The following LAMC1 variants were observed in gnomAD, a reference collection of about 807,000 sequenced individuals.
LAMC1 encodes the protein laminin subunit gamma-1.
A neutral mutation model predicts 173.6 loss-of-function variants in LAMC1; 38 were observed. That is an observed-to-expected ratio of 0.22 (90% CI 0.17 to 0.29). The LOEUF (loss-of-function observed/expected upper bound fraction) is 0.29. Ranked by LOEUF, LAMC1 falls within the 10% of genes least tolerant of loss-of-function variation. The pLI, the probability that LAMC1 is intolerant of heterozygous loss-of-function variation, is 1.00. For synonymous variants in LAMC1, 746 were observed against 749.1 expected (o/e 1.00, Z 0.07); for missense variants, 1,824 against 2,051.8 (o/e 0.89, Z 2.14).
rs942732186 is a variant in LAMC1 at position 183,144,805 on chromosome 1, T to G, written c.*2015T>G. On this transcript the variant is annotated 3_prime_UTR_variant, in exon 28 of 28. Transcript: ENST00000258341. ...TGAGCACTTAGGGCATCAGGAACAG[T>G]GCTACTTACTGATGGGTAGACTGGG... 2 of 152,228 alleles carry G rather than the reference T, an allele frequency of 1.3e-5. No individual in the cohort carries two copies. Among genetic ancestry groups the G allele is most frequent in the Admixed American group, 6.5e-5 (1 of 15,280 alleles). The allele number at this position is 152,228 out of a possible 1,614,324, so 9.4% of individuals were successfully genotyped here. A position where few individuals can be genotyped will look rare whatever the true frequency, so the allele number is the denominator to read the frequency against.
intron 18 of LAMC1, among the ~76,000 whole-genome samples, chr1:183,130,090 C>T (rs567478560): frequency 2.0e-5 from 3 of 152,126 alleles, no homozygotes; most frequent in South Asian, 2.1e-4. Flanking sequence ...ATAAGACCAG[C>T]GATATAGTGG....
intron 1 of LAMC1, among the ~76,000 whole-genome samples, chr1:183,095,392 C>T (rs1377852652): frequency 1.3e-5 from 2 of 152,172 alleles, no homozygotes; most frequent in African/African-American, 2.4e-5. Context: ...CTATAGCCAG[C>T]TTTCAATAGT....
intron 1 of LAMC1, among the ~76,000 whole-genome samples, chr1:183,040,231 T>C (rs1396655687): frequency 6.6e-6 from 1 of 152,248 alleles, no homozygotes; most frequent in Non-Finnish European, 1.5e-5. Context: ...ACAGCTGTTT[T>C]TGTTCATACA....
At chr1:183,135,419 G>A (rs1178025876) in intron 24 of LAMC1, among the ~76,000 whole-genome samples, 1 of 152,030 alleles carries the variant, frequency 6.6e-6, no homozygotes, top group Non-Finnish European at 1.5e-5. Flanking sequence ...GGTAAATGGA[G>A]ATTATCTTTC....
intron 1 of LAMC1, among the ~76,000 whole-genome samples, chr1:183,064,719 C>T (rs370583909): frequency 2.6e-5 from 4 of 152,280 alleles, no homozygotes; most frequent in Admixed American, 1.3e-4. Context: ...ACAAATATGG[C>T]AGGTCACCAC....
intron 1 of LAMC1, among the ~76,000 whole-genome samples, chr1:183,042,152 C>T (rs924172446): frequency 6.6e-6 from 1 of 152,128 alleles, no homozygotes; most frequent in Admixed American, 6.5e-5. Context: ...GTCAGTGGTT[C>T]AGGACAGCAG....
intron 1 of LAMC1, among the ~76,000 whole-genome samples, chr1:183,038,930 T>TA (rs66985134): frequency 1.2e-4 from 18 of 149,670 alleles, no homozygotes; most frequent in African/African-American, 2.5e-4. Flanking sequence ...ATTTAAGCTA[T>TA]AAAAAAAAAA....
In LAMC1 at chr1:183,115,989, G is replaced by A. The variant is rs191283817; in HGVS notation, c.1328+352G>A. ...TAAAAATACAAAAAAAATTAGCCAG[G>A]CGTGGTGGCGGGCAGCAGTAGTCCC... On this transcript the variant is annotated intron_variant, in intron 6 of 27. Coordinates refer to ENST00000258341, the MANE Select transcript of LAMC1 (RefSeq NM_002293.4). Among the ~76,000 whole-genome samples, 3 of 152,162 alleles carry A rather than the reference G, an allele frequency of 2.0e-5. No homozygotes were observed. In the East Asian group the frequency reaches 5.8e-4, roughly 29 times the overall value.
At chr1:183,111,606 G>C (rs992489879) in intron 4 of LAMC1, among the ~76,000 whole-genome samples, 1 of 152,112 alleles carries the variant, frequency 6.6e-6, no homozygotes, top group South Asian at 2.1e-4. Context: ...AACAGATAGA[G>C]AAAGAAATCT....
chr1:183,128,633 C>G lies in LAMC1; in HGVS notation c.3163C>G (p.Leu1055Val), dbSNP rs1486821949. ...HRVKLQELES[L>V]IANLGTGDEM... ...AGTGAAGCTCCAGGAATTAGAGAGT[C>G]TCATAGCAAACCTTGGAACTGGGGA... The change falls in exon 18 of 28, where the codon CTC becomes GTC. Residue 1055 changes from leucine to valine, a missense_variant. Leu to Val is a conservative substitution (Grantham distance 32). Transcript: ENST00000258341. 1.2e-6 allele frequency: 2 copies of G among 1,613,400 alleles called. No homozygotes were observed. Among genetic ancestry groups the G allele is most frequent in the African/African-American group, 2.7e-5 (2 of 74,866 alleles).
chr1:183,129,310 G>A (rs745751544), intron 18 of LAMC1, among the ~76,000 whole-genome samples: 2 of 151,882 alleles, frequency 1.3e-5, no homozygotes, highest in African/African-American at 4.8e-5. Context: ...GGATGGTCTC[G>A]ATCTCCTGAC....
chr1:183,142,123 G>A (rs1043639236), intron 27 of LAMC1, among the ~76,000 whole-genome samples: 2 of 152,160 alleles, frequency 1.3e-5, no homozygotes, highest in African/African-American at 4.8e-5. Flanking sequence ...TAAGAGCTGA[G>A]GGATTAGGGT....
chr1:183,057,056 G>C (rs1288703761), intron 1 of LAMC1, among the ~76,000 whole-genome samples: 5 of 152,310 alleles, frequency 3.3e-5, no homozygotes, highest in East Asian at 1.9e-4. Context: ...TGCGCTTTCA[G>C]GGCCTACTTG....
At chr1:183,121,584 T>C (rs1571454858) in intron 11 of LAMC1, 139 bp from the exon 12 acceptor site, 1 of 645,002 alleles carries the variant, frequency 1.6e-6, no homozygotes, top group East Asian at 2.7e-5. Flanking sequence ...ATATCTCGTT[T>C]AGTGTATCAG....
At chr1:183,134,962 C>T in intron 23 of LAMC1, 80 bp from the exon 24 acceptor site, 1 of 1,372,430 alleles carries the variant, frequency 7.3e-7, no homozygotes, top group East Asian at 2.3e-5. Flanking sequence ...AGGGTGGCAC[C>T]TCTGGAGAGC....
chr1:183,142,941 T>C lies in LAMC1; in HGVS notation c.*151T>C. On this transcript the variant is annotated 3_prime_UTR_variant, in exon 28 of 28. Transcript: ENST00000258341. ...TTGAACCAGGAAAAGTCACAGAGTT[T>C]AAAGAGAAGCAAATTAAACATCCTG... 1 of 767,770 alleles carries C rather than the reference T, an allele frequency of 1.3e-6. No homozygotes were observed. The highest frequency in any genetic ancestry group is 2.0e-6 in the Non-Finnish European group (1 of 489,296). 47.6% of individuals were successfully genotyped at this position (767,770 alleles called of 1,614,324 possible).
chr1:183,130,320 A>T (rs1334625308), intron 18 of LAMC1, 24 bp from the exon 19 acceptor site: 7 of 1,586,678 alleles, frequency 4.4e-6, no homozygotes, highest in Non-Finnish European at 5.2e-6. Context: ...TAATTTACAG[A>T]CTTTCTTCTG....
At chr1:183,107,626 C>T (rs1032518373) in intron 2 of LAMC1, among the ~76,000 whole-genome samples, 1 of 151,994 alleles carries the variant, frequency 6.6e-6, no homozygotes, top group Non-Finnish European at 1.5e-5. Flanking sequence ...GTCAGGAGAT[C>T]GAGACCATCC....
At chr1:183,126,419 C>T (rs1032160157) in intron 16 of LAMC1, among the ~76,000 whole-genome samples, 157 bp downstream of exon 16, 2 of 152,202 alleles carry the variant, frequency 1.3e-5, no homozygotes, top group Non-Finnish European at 2.9e-5. Context: ...GAATATTATC[C>T]ATTTCTAAAA....
Sources: gnomAD v4.1 joint callset for allele counts (sites outside exome capture counted in the v4.1 genomes callset) on GRCh38, gnomAD v4.1.1 for gene constraint, MANE v1.5 for transcripts, NCBI Gene and HGNC (gene_info 2026-07-23, HGNC 2026-07-21) for gene names.